RIMS2: variants seen among roughly 807,000 people sequenced by gnomAD.
RIMS2 encodes regulating synaptic membrane exocytosis 2.
A neutral mutation model predicts 174.4 loss-of-function variants in RIMS2; 59 were observed. The ratio of observed to expected loss-of-function variants is 0.34; its 90% CI spans 0.27 to 0.42. The LOEUF is 0.42. RIMS2 is among the 10% of genes least tolerant of loss of function. RIMS2 has a pLI of 1.00. For missense variants in RIMS2, 1,620 were observed against 1,666.3 expected (o/e 0.97, Z 0.48); for synonymous variants, 606 against 572.5 (o/e 1.06, Z -0.84).
chr8:103,794,227 A>T (rs1333792368), intron 3 of RIMS2, among the ~76,000 whole-genome samples: 1 of 152,230 alleles, frequency 6.6e-6, no homozygotes, highest in East Asian at 1.9e-4. Context: ...ACTGGCACTA[A>T]CACAGAGATA....
At chr8:103,735,874 C>T (rs571352916) in intron 2 of RIMS2, among the ~76,000 whole-genome samples, 8 of 152,206 alleles carry the variant, frequency 5.3e-5, no homozygotes, top group East Asian at 3.9e-4. Flanking sequence ...TGAACTTTTT[C>T]TAGTTTATCT....
At chr8:103,609,090 G>C (rs199628047) in intron 1 of RIMS2, among the ~76,000 whole-genome samples, 1 of 152,028 alleles carries the variant, frequency 6.6e-6, no homozygotes, top group Non-Finnish European at 1.5e-5. Flanking sequence ...TTTGATTTGC[G>C]TTTTTCTAAT....
At chr8:103,789,042 C>T (rs1013371985) in intron 3 of RIMS2, among the ~76,000 whole-genome samples, 22 of 152,140 alleles carry the variant, frequency 1.4e-4, no homozygotes, top group East Asian at 1.9e-4. Context: ...TTCCAGGTGC[C>T]GTCCGTCACC....
chr8:104,186,264 C>T (rs962381604), intron 19 of RIMS2, among the ~76,000 whole-genome samples: 2 of 151,498 alleles, frequency 1.3e-5, no homozygotes, highest in African/African-American at 4.8e-5. Flanking sequence ...CGAGAAATTA[C>T]CTAATGGGTA....
chr8:104,179,310 G>A (rs1446981835), intron 19 of RIMS2, among the ~76,000 whole-genome samples: 3 of 152,006 alleles, frequency 2.0e-5, no homozygotes, highest in Non-Finnish European at 4.4e-5. Flanking sequence ...AAATATCAGT[G>A]CAATGAAATA....
intron 3 of RIMS2, among the ~76,000 whole-genome samples, chr8:103,865,910 C>A (rs1282141894): frequency 3.3e-5 from 5 of 152,014 alleles, no homozygotes; most frequent in Admixed American, 3.3e-4. Flanking sequence ...TGTGATAATG[C>A]AATTGGATTT....
At chr8:104,019,994 T>C (rs2154554795) in intron 19 of RIMS2, among the ~76,000 whole-genome samples, 1 of 152,234 alleles carries the variant, frequency 6.6e-6, no homozygotes, top group East Asian at 1.9e-4. Context: ...ACCAGTTTGT[T>C]GCTGCTGTTT....
At chr8:104,160,419 A>C (rs923738235) in intron 19 of RIMS2, among the ~76,000 whole-genome samples, 2 of 152,204 alleles carry the variant, frequency 1.3e-5, no homozygotes, top group Non-Finnish European at 2.9e-5. Flanking sequence ...AAACTGATAT[A>C]TTGATGTTTT....
intron 19 of RIMS2, among the ~76,000 whole-genome samples, chr8:104,241,376 G>T (rs1338113563): frequency 3.3e-5 from 5 of 152,136 alleles, no homozygotes; most frequent in Admixed American, 2.0e-4. Flanking sequence ...GGGGATACAT[G>T]TAAGAAGCAA....
chr8:103,659,578 A>G (rs2096571866), intron 1 of RIMS2, among the ~76,000 whole-genome samples: 1 of 152,120 alleles, frequency 6.6e-6, no homozygotes, highest in Non-Finnish European at 1.5e-5. Context: ...CTGCCTGAGG[A>G]CTTTCCAGTT....
intron 19 of RIMS2, among the ~76,000 whole-genome samples, chr8:104,023,881 T>C (rs2096178517): frequency 6.6e-6 from 1 of 151,896 alleles, no homozygotes. Context: ...CAACCAGAGA[T>C]GAAAAAAGTG....
intron 19 of RIMS2, among the ~76,000 whole-genome samples, chr8:104,180,800 T>A (rs1207767079): frequency 6.6e-6 from 1 of 151,724 alleles, no homozygotes; most frequent in African/African-American, 2.4e-5. Context: ...GTAAATTTTT[T>A]AAATGTATTA....
intron 20 of RIMS2, among the ~76,000 whole-genome samples, chr8:104,245,339 A>G (rs1476897784): frequency 6.6e-6 from 1 of 152,246 alleles, no homozygotes; most frequent in Non-Finnish European, 1.5e-5. Flanking sequence ...ATTTTGCCCT[A>G]GCTTGAAATA....
rs565432485 is a variant in RIMS2 at position 103,844,982 on chromosome 8, A to G, written c.699-40316A>G. 1.2e-4 allele frequency among the ~76,000 whole-genome samples: 18 copies of G among 152,202 alleles called. No homozygotes were observed. In the South Asian group the frequency reaches 3.7e-3, roughly 31 times the overall value. On this transcript the variant is annotated intron_variant, in intron 3 of 23. Coordinates refer to ENST00000504942, the Ensembl canonical transcript of RIMS2. ...TTCAGCATTTTCCAGCTCTTAATAG[A>G]CTTCCAACTTCAAGATTTTTAATTT... is the stretch of plus-strand genomic sequence containing the variant.
exon 4 of RIMS2, chr8:103,885,621 G>C: frequency 6.2e-7 from 1 of 1,613,034 alleles, no homozygotes; most frequent in South Asian, 1.1e-5. Flanking sequence ...AATTTGGCCC[G>C]TTATCCAGTA....
At chr8:103,831,344 G>A (rs2098824692) in intron 3 of RIMS2, among the ~76,000 whole-genome samples, 1 of 152,150 alleles carries the variant, frequency 6.6e-6, no homozygotes, top group Non-Finnish European at 1.5e-5. Flanking sequence ...TCTTTGACCT[G>A]AAAGAGGGCT....
intron 1 of RIMS2, among the ~76,000 whole-genome samples, chr8:103,539,996 A>G (rs1386775386): frequency 6.6e-6 from 1 of 152,262 alleles, no homozygotes; most frequent in Admixed American, 6.5e-5. Flanking sequence ...CTGGAGCCAC[A>G]GTAACTCTGT....
chr8:103,838,448 TA>T (rs1280524839), intron 3 of RIMS2, among the ~76,000 whole-genome samples: 1 of 152,132 alleles, frequency 6.6e-6, no homozygotes, highest in Non-Finnish European at 1.5e-5. Flanking sequence ...CCAAAGAAAA[TA>T]GGCCCAATTT....
intron 2 of RIMS2, among the ~76,000 whole-genome samples, chr8:103,758,150 C>G (rs1449016502): frequency 6.6e-6 from 1 of 152,110 alleles, no homozygotes; most frequent in African/African-American, 2.4e-5. Context: ...AGATAGCTAT[C>G]TAGGACCTCC....
Sources: gnomAD v4.1 joint callset for allele counts (sites outside exome capture counted in the v4.1 genomes callset) on GRCh38, gnomAD v4.1.1 for gene constraint, MANE v1.5 for transcripts, NCBI Gene and HGNC (gene_info 2026-07-23, HGNC 2026-07-21) for gene names.